Variants in HMGB3 observed in about 807,000 individuals in gnomAD.
HMGB3 encodes the protein high mobility group protein B3.
HMGB3 carries 1 observed loss-of-function variant against 12.9 expected under a neutral mutation model. That is an observed-to-expected ratio of 0.08 (90% confidence interval 0.03 to 0.37). HMGB3 has a LOEUF of 0.37. Ranked by LOEUF, HMGB3 falls within the 10% of genes least tolerant of loss-of-function variation. The pLI, the probability that HMGB3 is intolerant of heterozygous loss-of-function variation, is 0.99. For missense variants in HMGB3, 74 were observed against 153.3 expected, an observed-to-expected ratio of 0.48 and a Z score of 2.73; for synonymous variants, 61 against 53.9, an observed-to-expected ratio of 1.13 and a Z score of -0.57.
chrX:150,983,107 C>A (rs782676524), upstream of HMGB3, among the ~76,000 whole-genome samples: 26 of 112,889 alleles, frequency 2.3e-4, no homozygotes, highest in Middle Eastern at 4.6e-3. Context: ...GGCGGGCAGG[C>A]GAGACTAGGT....
intron 4 of HMGB3, 74 bp downstream of exon 4, chrX:150,987,376 C>T: frequency 1.1e-6 from 1 of 940,653 alleles, no homozygotes; most frequent in Non-Finnish European, 1.5e-6. Flanking sequence ...GGGCATGTGG[C>T]AGCTTTGCTG....
Position 150,985,659 on chromosome X carries a change from G to T in HMGB3, c.60G>T (p.Val20=). Residue 20 remains valine (V), a synonymous_variant, in exon 2 of 5, where the codon GTG becomes GTT. Transcript: ENST00000325307. ...KGKMSAYAFF[V]QTCREEHKKK... is the part of the protein sequence containing the mutation. ...AGATGTCCGCTTATGCCTTCTTTGTGCAGACATGCAGAGAAGAACATAAGA... is the reference window on the plus strand; with the variant it reads ...AGATGTCCGCTTATGCCTTCTTTGTTCAGACATGCAGAGAAGAACATAAGA... 1 of 1,204,489 alleles carries T rather than the reference G, an allele frequency of 8.3e-7. No homozygotes were observed. The highest frequency in any genetic ancestry group is 1.1e-6 in the Non-Finnish European group (1 of 890,877).
chrX:150,983,859 C>T (rs1158075747), intron 1 of HMGB3, among the ~76,000 whole-genome samples: 1 of 106,714 alleles, frequency 9.4e-6, no homozygotes, highest in African/African-American at 3.3e-5. Context: ...CCGGTGCCCG[C>T]CGGGGGCTGC....
At chrX:150,982,688 G>T (rs977815690), upstream of HMGB3, among the ~76,000 whole-genome samples, 14 of 113,412 alleles carry the variant, frequency 1.2e-4, no homozygotes, top group Non-Finnish European at 2.6e-4. Flanking sequence ...TTAGTGGAAA[G>T]AGCCTAGTTG....
At chrX:150,984,127 G>T (rs1373264592) in intron 1 of HMGB3, among the ~76,000 whole-genome samples, 1 of 99,353 alleles carries the variant, frequency 1.0e-5, no homozygotes, top group Non-Finnish European at 2.1e-5. Flanking sequence ...CGGTCGGCGG[G>T]GCGCCCGGCG....
In HMGB3 at chrX:150,985,532, T is replaced by A. The variant is rs187608445; in HGVS notation, c.-5-63T>A. 143 of 958,689 alleles carry A rather than the reference T, an allele frequency of 1.5e-4. No individual in the cohort carries two copies. In the East Asian group the frequency reaches 3.5e-3, roughly 24 times the overall value. The allele number at this position is 958,689 out of a possible 1,213,427, so 79.0% of individuals were successfully genotyped here. A position where few individuals can be genotyped will look rare whatever the true frequency, so the allele number is the denominator to read the frequency against. On this transcript the variant is annotated intron_variant, in intron 1 of 4. Coordinates refer to ENST00000325307, the MANE Select transcript of HMGB3 (RefSeq NM_005342.4). Reference sequence around the variant, plus strand: ...TTTGCTCTGCCTTTGGTACGTCTTGTACTTCTTGTCAATTCCTCCTTGCTT... The same window carrying A: ...TTTGCTCTGCCTTTGGTACGTCTTGAACTTCTTGTCAATTCCTCCTTGCTT...
intron 4 of HMGB3, 23 bp downstream of exon 4, chrX:150,987,325 G>A: frequency 5.1e-6 from 6 of 1,169,614 alleles, no homozygotes; most frequent in Non-Finnish European, 6.9e-6. Flanking sequence ...TGGAAGCCTG[G>A]ACTGGTGAAC....
Position 150,990,139 on chromosome X carries a change from C to T in HMGB3, c.*2225C>T, listed in dbSNP as rs782786190. 1.8e-5 allele frequency: 2 copies of T among 112,017 alleles called. No individual in the cohort carries two copies. Among genetic ancestry groups the T allele is most frequent in the South Asian group, 3.7e-4 (1 of 2,672 alleles). The allele number at this position is 112,017 out of a possible 1,213,427, so 9.2% of individuals were successfully genotyped here. ...AAGATTCGGGAGCTGTTGCCAGCCT[C>T]GTCAAATATGGAAGAGAAACAACCT... On this transcript the variant is annotated 3_prime_UTR_variant, in exon 5 of 5. Transcript: ENST00000325307.
chrX:150,985,528 C>T, intron 1 of HMGB3, 67 bp from the exon 2 acceptor site: 1 of 932,932 alleles, frequency 1.1e-6, no homozygotes, highest in African/African-American at 1.9e-5. Flanking sequence ...TTTGGTACGT[C>T]TTGTACTTCT....
In HMGB3 at chrX:150,990,759, C is replaced by T. The variant is rs2048104385; in HGVS notation, c.*2845C>T. On this transcript the variant is annotated 3_prime_UTR_variant, in exon 5 of 5. Transcript: ENST00000325307. ...TTTCTGTAATAAAGTTTCTTAATCA[C>T]TCTTCCCAAAAAGTAATCAGTGGGC... is the stretch of plus-strand genomic sequence containing the variant. 8.9e-6 allele frequency: 1 copy of T among 111,808 alleles called. No homozygotes were observed. The highest frequency in any genetic ancestry group is 3.8e-4 in the South Asian group (1 of 2,660). 9.2% of individuals were successfully genotyped at this position (111,808 alleles called of 1,213,427 possible). A position where few individuals can be genotyped will look rare whatever the true frequency, so the allele number is the denominator to read the frequency against.
At chrX:150,982,897 G>C (rs2048001258), upstream of HMGB3, among the ~76,000 whole-genome samples, 1 of 113,226 alleles carries the variant, frequency 8.8e-6, no homozygotes. Flanking sequence ...TGGGCCCAGG[G>C]GTGTTTCCCC....
chrX:150,984,777 G>A (rs1419020371), intron 1 of HMGB3, among the ~76,000 whole-genome samples: 2 of 112,284 alleles, frequency 1.8e-5, no homozygotes, highest in African/African-American at 6.5e-5. Context: ...GCCAAGGGGA[G>A]CTCTTTAGTT....
chrX:150,981,623 T>C (rs781836142), upstream of HMGB3, among the ~76,000 whole-genome samples: 1 of 110,388 alleles, frequency 9.1e-6, no homozygotes, highest in South Asian at 4.0e-4. Flanking sequence ...ACCTGGCTAA[T>C]TTTTTTGTAT....
intron 2 of HMGB3, 108 bp downstream of exon 2, chrX:150,985,857 T>C (rs2048046797): frequency 1.2e-6 from 1 of 853,254 alleles, no homozygotes; most frequent in Non-Finnish European, 1.7e-6. Context: ...TCTTTTACTT[T>C]TACTTAGAAT....
chrX:150,983,439 C>A, intron 1 of HMGB3, 63 bp downstream of exon 1: 6 of 433,064 alleles, frequency 1.4e-5, no homozygotes, highest in Non-Finnish European at 1.7e-5. Flanking sequence ...CCGCCGCCGC[C>A]GCCGCCGCCG....
intron 1 of HMGB3, 164 bp downstream of exon 1, chrX:150,983,540 C>T (rs1557425147): frequency 2.7e-6 from 2 of 739,390 alleles, no homozygotes; most frequent in Non-Finnish European, 3.2e-6. Flanking sequence ...TCCCTTCCCG[C>T]CCCCTCCGCC....
intron 1 of HMGB3, chrX:150,983,635 G>T: frequency 1.3e-6 from 1 of 745,458 alleles, no homozygotes; most frequent in African/African-American, 2.3e-5. Flanking sequence ...CCCCGCTTTC[G>T]GGGGTCGGCC....
chrX:150,984,529 A>C (rs1557425184), intron 1 of HMGB3: 1 of 595,147 alleles, frequency 1.7e-6, no homozygotes, highest in Non-Finnish European at 2.0e-6. Flanking sequence ...GCGCACCGCC[A>C]CCGCCGCCGC....
At position 150,989,723 on chromosome X, in the gene HMGB3, G is replaced by C. The variant is rs1194576661; in HGVS notation, c.*1809G>C. The C allele has an allele frequency of 8.9e-6, 1 of 111,945 alleles. No individual in the cohort carries two copies. The highest frequency in any genetic ancestry group is 1.9e-5 in the Non-Finnish European group (1 of 53,223). The allele number at this position is 111,945 out of a possible 1,213,427, so 9.2% of individuals were successfully genotyped here. On this transcript the variant is annotated 3_prime_UTR_variant, in exon 5 of 5. Transcript: ENST00000325307. The stretch of plus-strand genomic sequence containing the variant: ...TATTGCCCAGCATTAATATTTGGGT[G>C]TGTATGTTTGAGGCTATGAAACACG...
Sources: allele counts gnomAD v4.1 joint callset (sites outside exome capture counted in the v4.1 genomes callset), GRCh38; gene constraint gnomAD v4.1.1; transcripts MANE v1.5; gene names NCBI Gene and HGNC (gene_info 2026-07-23, HGNC 2026-07-21).